Variants in CCDC50 observed in about 807,000 individuals in gnomAD.
CCDC50 encodes the protein coiled-coil domain-containing protein 50.
CCDC50 carries 54 observed loss-of-function variants against 70.2 expected under a neutral mutation model. The observed-to-expected ratio is 0.77, with a 90% CI of 0.62 to 0.96. The LOEUF (loss-of-function observed/expected upper bound fraction) is 0.96, where lower values mean the gene tolerates loss of function less well. Among genes scored for constraint, CCDC50 ranks in the 50% least tolerant of loss-of-function variants. CCDC50 has a pLI of 0.00. For synonymous variants in CCDC50, 216 were observed against 198.8 expected, an observed-to-expected ratio of 1.09 and a Z score of -0.73; for missense variants, 558 against 578.7, an observed-to-expected ratio of 0.96 and a Z score of 0.37.
intron 3 of CCDC50, 124 bp downstream of exon 3, chr3:191,358,248 T>A: frequency 1.6e-6 from 2 of 1,260,956 alleles, no homozygotes; most frequent in Non-Finnish European, 1.1e-6. Context: ...AGATTACAAA[T>A]CTTACCCTGG....
intron 1 of CCDC50, among the ~76,000 whole-genome samples, chr3:191,349,682 A>G (rs972944534): frequency 1.4e-5 from 2 of 141,972 alleles, no homozygotes; most frequent in African/African-American, 5.0e-5. Flanking sequence ...ACTAGACAGT[A>G]TATCCATATA....
chr3:191,373,361 C>T (rs1469177056), intron 5 of CCDC50, among the ~76,000 whole-genome samples: 1 of 152,092 alleles, frequency 6.6e-6, no homozygotes, highest in Non-Finnish European at 1.5e-5. Context: ...GTAATAATTC[C>T]TGCAGCATAT....
intron 1 of CCDC50, 58 bp downstream of exon 1, chr3:191,329,781 C>T (rs1216149650): frequency 1.9e-6 from 3 of 1,569,176 alleles, no homozygotes; most frequent in Non-Finnish European, 1.7e-6. Flanking sequence ...CCGAGGTTCT[C>T]TCAGGTCAGG....
intron 1 of CCDC50, among the ~76,000 whole-genome samples, chr3:191,354,490 A>C (rs533906936): frequency 6.6e-6 from 1 of 152,304 alleles, no homozygotes; most frequent in South Asian, 2.1e-4. Flanking sequence ...AAATGTAATA[A>C]TTTCATAATT....
intron 4 of CCDC50, among the ~76,000 whole-genome samples, chr3:191,368,858 A>G (rs530100328): frequency 1.3e-5 from 2 of 152,098 alleles, no homozygotes; most frequent in Admixed American, 6.6e-5. Context: ...GTGCATGAAC[A>G]TATAAGTTTA....
chr3:191,346,345 A>G (rs1711923875), intron 1 of CCDC50, among the ~76,000 whole-genome samples: 1 of 152,238 alleles, frequency 6.6e-6, no homozygotes, highest in African/African-American at 2.4e-5. Context: ...AAAACGGAAG[A>G]TAAGCTACAT....
At chr3:191,391,342 C>T (rs779454520) in intron 11 of CCDC50, among the ~76,000 whole-genome samples, 1 of 152,150 alleles carries the variant, frequency 6.6e-6, no homozygotes, top group African/African-American at 2.4e-5. Flanking sequence ...CTCCCCCACC[C>T]CCACATTCTG....
chr3:191,356,063 C>T (rs1481848007), intron 1 of CCDC50, among the ~76,000 whole-genome samples: 1 of 152,178 alleles, frequency 6.6e-6, no homozygotes, highest in Non-Finnish European at 1.5e-5. Context: ...TTTTCCTAAG[C>T]CCTGGGGAAT....
At position 191,329,966 on chromosome 3, in the gene CCDC50, G is replaced by A. The variant is rs1289352042; in HGVS notation, c.49+243G>A. ...TTGGGGGGGGGGGGGGCTAGCAGCA[G>A]CCCCAGCAAGTAGGTGGCTGTGCCC... is the stretch of plus-strand genomic sequence containing the variant. On this transcript the variant is annotated intron_variant, in intron 1 of 11. Transcript: ENST00000392455. 7.1e-4 allele frequency among the ~76,000 whole-genome samples: 96 copies of A among 135,846 alleles called. 2 individuals are homozygous for A. Among genetic ancestry groups the A allele is most frequent in the Admixed American group, 2.6e-3 (35 of 13,222 alleles). The allele number at this position is 135,846 out of a possible 152,430, so 89.1% of individuals were successfully genotyped here.
chr3:191,380,278 A>G lies in CCDC50; in HGVS notation c.1092+4A>G. On this transcript the variant is annotated splice_donor_region_variant and intron_variant, in intron 7 of 11. Coordinates refer to ENST00000392455, the MANE Select transcript of CCDC50 (RefSeq NM_178335.3). ...ACTGCAAGAAGAAGAACTTTTGGTGAGCAAATTTTAAGGCAAAAGTTTAGA... is the reference window on the plus strand; with the variant it reads ...ACTGCAAGAAGAAGAACTTTTGGTGGGCAAATTTTAAGGCAAAAGTTTAGA... 6.3e-7 allele frequency: 1 copy of G among 1,592,768 alleles called. No homozygotes were observed. The highest frequency in any genetic ancestry group is 8.6e-7 in the Non-Finnish European group (1 of 1,161,132).
intron 1 of CCDC50, among the ~76,000 whole-genome samples, chr3:191,334,973 A>G (rs1718094936): frequency 6.6e-6 from 1 of 152,154 alleles, no homozygotes; most frequent in African/African-American, 2.4e-5. Context: ...TCTACCTGAA[A>G]AGTCTTGCAA....
At chr3:191,389,852 A>ATTTTTTT (rs1713621269) in intron 11 of CCDC50, among the ~76,000 whole-genome samples, 1 of 103,766 alleles carries the variant, frequency 9.6e-6, no homozygotes, top group African/African-American at 3.7e-5. Context: ...CATCAAATTC[A>ATTTTTTT]CTTTTTTTTT....
intron 1 of CCDC50, among the ~76,000 whole-genome samples, chr3:191,332,566 T>C (rs556041028): frequency 6.6e-6 from 1 of 152,250 alleles, no homozygotes; most frequent in South Asian, 2.1e-4. Context: ...CATTTTAAAC[T>C]TCAGTAGGTC....
rs990185752 is a variant in CCDC50 at position 191,369,911 on chromosome 3, C to T, written c.331-8C>T. 1 of 1,594,778 alleles carries T rather than the reference C, an allele frequency of 6.3e-7. No homozygotes were observed. The highest frequency in any genetic ancestry group is 1.7e-5 in the Admixed American group (1 of 59,924). On this transcript the variant is annotated splice_region_variant and splice_polypyrimidine_tract_variant and intron_variant, in intron 4 of 11. Transcript: ENST00000392455. ...ATGTGTATTTCCATTCTCCTCTTGT[C>T]TTTGCAGGACATAGCTCGCCTTTTG...
At chr3:191,343,377 C>T (rs1194208106) in intron 1 of CCDC50, among the ~76,000 whole-genome samples, 1 of 152,190 alleles carries the variant, frequency 6.6e-6, no homozygotes, top group Non-Finnish European at 1.5e-5. Flanking sequence ...AATAAATATT[C>T]ACTGAATATC....
intron 9 of CCDC50, among the ~76,000 whole-genome samples, chr3:191,382,418 C>T (rs1033692142): frequency 6.6e-6 from 1 of 152,130 alleles, no homozygotes; most frequent in Non-Finnish European, 1.5e-5. Context: ...TGTTAATAAT[C>T]AGTGGCCAAG....
chr3:191,364,005 G>A (rs188573495), intron 4 of CCDC50, among the ~76,000 whole-genome samples: 291 of 152,186 alleles, frequency 1.9e-3, no homozygotes, highest in Non-Finnish European at 3.3e-3. Flanking sequence ...TACTGAGACA[G>A]TAGTGCTAAC....
At chr3:191,363,774 A>G (rs1712577443) in intron 4 of CCDC50, among the ~76,000 whole-genome samples, 1 of 152,240 alleles carries the variant, frequency 6.6e-6, no homozygotes, top group Middle Eastern at 3.2e-3. Flanking sequence ...ACAAGCCTAT[A>G]TAAACTTCAT....
intron 10 of CCDC50, among the ~76,000 whole-genome samples, chr3:191,387,846 A>G (rs1713551504): frequency 6.6e-6 from 1 of 152,132 alleles, no homozygotes; most frequent in Non-Finnish European, 1.5e-5. Flanking sequence ...CTGCCTAATG[A>G]CATTAATAAA....
Sources: allele counts gnomAD v4.1 joint callset (sites outside exome capture counted in the v4.1 genomes callset), GRCh38; gene constraint gnomAD v4.1.1; transcripts MANE v1.5; gene names NCBI Gene and HGNC (gene_info 2026-07-23, HGNC 2026-07-21).